The following LMNTD1 variants were observed in gnomAD, a reference collection of about 807,000 sequenced individuals.
The protein encoded by LMNTD1 is lamin tail domain containing 1, also known as lamin tail domain-containing protein 1.
Under a neutral mutation model 50.9 loss-of-function variants are expected in LMNTD1, and 35 were observed. The observed-to-expected ratio is 0.69, with a 90% confidence interval of 0.53 to 0.91. The LOEUF is 0.91. LMNTD1 is among the 40% of genes least tolerant of loss of function. The probability of loss-of-function intolerance (pLI) is 0.00; values close to 1 mark genes in which losing one functional copy is unlikely to be tolerated. For synonymous variants in LMNTD1, 153 were observed against 161.9 expected (o/e 0.94, Z 0.42); for missense variants, 470 against 475.5 (o/e 0.99, Z 0.11).
chr12:25,572,543 A>T (rs1944838739), intron 1 of LMNTD1, among the ~76,000 whole-genome samples: 1 of 152,206 alleles, frequency 6.6e-6, no homozygotes, highest in Non-Finnish European at 1.5e-5. Flanking sequence ...TCAACAAAAA[A>T]TCCAAACTCA....
At chr12:25,562,089 T>C (rs930983071) in intron 1 of LMNTD1, among the ~76,000 whole-genome samples, 20 of 152,206 alleles carry the variant, frequency 1.3e-4, no homozygotes, top group Non-Finnish European at 2.4e-4. Context: ...ACTCTTTATG[T>C]AATTTGCCAC....
intron 9 of LMNTD1, among the ~76,000 whole-genome samples, chr12:25,481,649 C>T (rs942977799): frequency 6.6e-6 from 1 of 151,588 alleles, no homozygotes; most frequent in East Asian, 1.9e-4. Context: ...AAATCAGGAT[C>T]GTTCTGTAAA....
intron 1 of LMNTD1, among the ~76,000 whole-genome samples, chr12:25,629,660 C>G (rs974492171): frequency 6.6e-6 from 1 of 151,940 alleles, no homozygotes; most frequent in Non-Finnish European, 1.5e-5. Flanking sequence ...TTATTTGGAA[C>G]GGAGTGTGAG....
At position 25,514,079 on chromosome 12, in the gene LMNTD1, A is replaced by G. The variant is rs182564967; in HGVS notation, c.1189+4716T>C. The stretch of plus-strand genomic sequence containing the variant: ...AAATGATTCTTGTAAAGAGGAGTAA[A>G]AAGTTTAAGAAAAGCCAAATCACAC... On this transcript the variant is annotated intron_variant, in intron 8 of 9. Transcript: ENST00000458174. Among the ~76,000 whole-genome samples, 353 of 152,314 alleles carry G rather than the reference A, an allele frequency of 2.3e-3. 4 individuals are homozygous for G. The highest frequency in any genetic ancestry group is 1.4e-3 in the Non-Finnish European group (97 of 68,038).
intron 9 of LMNTD1, among the ~76,000 whole-genome samples, chr12:25,476,668 T>C (rs140880721): frequency 3.3e-5 from 5 of 152,270 alleles, no homozygotes; most frequent in South Asian, 4.1e-4. Context: ...TTGGGTTGAA[T>C]TGGTAGAACT....
intron 4 of LMNTD1, among the ~76,000 whole-genome samples, chr12:25,536,985 G>A (rs1353573892): frequency 3.3e-5 from 5 of 152,236 alleles, no homozygotes; most frequent in African/African-American, 1.2e-4. Flanking sequence ...CTGGAAAATC[G>A]GGTCACTCCC....
intron 1 of LMNTD1, among the ~76,000 whole-genome samples, chr12:25,634,012 G>A (rs549505112): frequency 7.2e-4 from 109 of 152,168 alleles, no homozygotes; most frequent in Non-Finnish European, 1.2e-3. Context: ...TACAACTGAC[G>A]CCACAGAAAT....
chr12:25,533,021 C>CA (rs1942329651), intron 4 of LMNTD1, among the ~76,000 whole-genome samples: 1 of 152,212 alleles, frequency 6.6e-6, no homozygotes, highest in African/African-American at 2.4e-5. Context: ...AGTTGCTTTT[C>CA]AAAAATCCTT....
intron 8 of LMNTD1, among the ~76,000 whole-genome samples, chr12:25,514,197 AGT>A (rs1237474943): frequency 6.6e-6 from 1 of 152,210 alleles, no homozygotes; most frequent in Non-Finnish European, 1.5e-5. Flanking sequence ...TCAATAGAAC[AGT>A]CTAGGGAGCA....
Position 25,616,796 on chromosome 12 carries a change from T to C in LMNTD1, c.58+31698A>G, listed in dbSNP as rs910912167. 1.8e-3 allele frequency among the ~76,000 whole-genome samples: 267 copies of C among 152,254 alleles called. 3 individuals are homozygous for C. The highest frequency in any genetic ancestry group is 6.2e-3 in the African/African-American group (259 of 41,548). ...ACATTCTGGAAAAAAAGCGAAACTA[T>C]AGGGACAGAAAACAGAGTTCTGTTT... is the stretch of plus-strand genomic sequence containing the variant. On this transcript the variant is annotated intron_variant, in intron 1 of 7. Transcript: ENST00000445693.
chr12:25,556,608 TTC>T (rs1290257259), upstream of LMNTD1, among the ~76,000 whole-genome samples: 1 of 152,208 alleles, frequency 6.6e-6, no homozygotes, highest in Non-Finnish European at 1.5e-5. Flanking sequence ...ACTCTGTCAA[TTC>T]TCTTTGCCTT....
chr12:25,615,532 G>A (rs1256593909), intron 1 of LMNTD1, among the ~76,000 whole-genome samples: 4 of 151,908 alleles, frequency 2.6e-5, no homozygotes, highest in Non-Finnish European at 4.4e-5. Context: ...CATGATCTGG[G>A]CTCACTGCAA....
chr12:25,499,467 G>A (rs1042572523), intron 9 of LMNTD1, among the ~76,000 whole-genome samples: 1 of 152,104 alleles, frequency 6.6e-6, no homozygotes, highest in African/African-American at 2.4e-5. Flanking sequence ...CAGTTTAATG[G>A]TGATTTATGA....
At chr12:25,572,038 C>T (rs1393215756) in intron 1 of LMNTD1, among the ~76,000 whole-genome samples, 2 of 152,150 alleles carry the variant, frequency 1.3e-5, no homozygotes, top group Non-Finnish European at 2.9e-5. Flanking sequence ...AGAGGTTCCT[C>T]CCCTAGGTTT....
chr12:25,552,580 T>TAAAAAAAA, intron 2 of LMNTD1, among the ~76,000 whole-genome samples: 1 of 8,310 alleles, frequency 1.2e-4, no homozygotes, highest in Non-Finnish European at 5.5e-4. Flanking sequence ...GCACTCTGTC[T>TAAAAAAAA]GAAAAAAAAA....
chr12:25,619,248 CTCTCTA>C (rs1219792596), intron 1 of LMNTD1, among the ~76,000 whole-genome samples: 3,651 of 77,562 alleles, frequency 0.047, 46 homozygotes, highest in Non-Finnish European at 0.063. Flanking sequence ...CTCTCTCTCT[CTCTCTA>C]TATATATATA....
intron 3 of LMNTD1, among the ~76,000 whole-genome samples, chr12:25,547,807 T>G (rs1220332158): frequency 6.6e-6 from 1 of 151,824 alleles, no homozygotes; most frequent in Non-Finnish European, 1.5e-5. Context: ...TTGGTCCCAG[T>G]TGTTATTTTG....
intron 1 of LMNTD1, among the ~76,000 whole-genome samples, chr12:25,626,766 C>T (rs1284917217): frequency 6.6e-6 from 1 of 152,150 alleles, no homozygotes; most frequent in Non-Finnish European, 1.5e-5. Context: ...GTTGATAGAA[C>T]TTTCAGCAGA....
rs144936474 is a variant in LMNTD1 at position 25,642,521 on chromosome 12, T to C, written c.58+5973A>G. ...ACTGTAAGAAAGAAATGTTTGTCGT[T>C]TAATCCTTCTGGCCTGTGATGTTCT... On this transcript the variant is annotated intron_variant, in intron 1 of 7. Coordinates refer to the LMNTD1 transcript ENST00000445693. 4.1e-3 allele frequency among the ~76,000 whole-genome samples: 621 copies of C among 152,316 alleles called. 1 individual carries two copies. Among genetic ancestry groups the C allele is most frequent in the African/African-American group, 0.014 (580 of 41,572 alleles).
Sources: gnomAD v4.1 joint callset for allele counts (sites outside exome capture counted in the v4.1 genomes callset) on GRCh38, gnomAD v4.1.1 for gene constraint, MANE v1.5 for transcripts, NCBI Gene and HGNC (gene_info 2026-07-23, HGNC 2026-07-21) for gene names.